TMEM181: variants seen among roughly 807,000 people sequenced by gnomAD.
TMEM181 encodes the protein G protein-coupled receptor 178.
In TMEM181, 39 loss-of-function variants were observed where a neutral mutation model predicts 71.9. The ratio of observed to expected loss-of-function variants is 0.54; its 90% confidence interval spans 0.42 to 0.71. TMEM181 has a LOEUF of 0.71. Ranked by LOEUF, TMEM181 falls within the 30% of genes least tolerant of loss-of-function variation. The pLI is 0.00. For missense variants in TMEM181, 595 were observed against 583.0 expected (o/e 1.02, Z -0.21); for synonymous variants, 245 against 228.8 (o/e 1.07, Z -0.64).
intron 1 of TMEM181, among the ~76,000 whole-genome samples, chr6:158,539,143 A>C (rs900803030): frequency 6.6e-6 from 1 of 152,204 alleles, no homozygotes; most frequent in African/African-American, 2.4e-5. Context: ...GCTTGAAGAC[A>C]GATTCACAGC....
chr6:158,603,505 A>G (rs1351417444), intron 6 of TMEM181, among the ~76,000 whole-genome samples: 2 of 150,486 alleles, frequency 1.3e-5, no homozygotes, highest in Admixed American at 6.6e-5. Context: ...CGTGGCCAGT[A>G]TTGGTCTGTG....
intron 10 of TMEM181, chr6:158,611,210 G>T: frequency 2.0e-6 from 1 of 510,266 alleles, no homozygotes; most frequent in Non-Finnish European, 4.0e-6. Flanking sequence ...TGACCTCTGG[G>T]ATTGACTATC....
chr6:158,631,095 C>T (rs1786637750), intron 15 of TMEM181, among the ~76,000 whole-genome samples: 1 of 152,254 alleles, frequency 6.6e-6, no homozygotes, highest in Admixed American at 6.5e-5. Context: ...TTCCCACAGG[C>T]CGCCTCCCTC....
Position 158,608,672 on chromosome 6 carries a change from GTTTAAC to G in TMEM181, c.822_827del (p.Leu274_Thr275del). 2 of 1,610,012 alleles carry G rather than the reference GTTTAAC, an allele frequency of 1.2e-6. No individual in the cohort carries two copies. The highest frequency in any genetic ancestry group is 1.7e-6 in the Non-Finnish European group (2 of 1,178,950). ...TTTTCTTTTTAGGGAGAAAGAAAGTGTTTAACTTTCTATTTGCCTAAATTCTTCATT... is the reference window on the plus strand; with the variant it reads ...TTTTCTTTTTAGGGAGAAAGAAAGTGTTTCTATTTGCCTAAATTCTTCATT... On this transcript the variant is annotated inframe_deletion, in exon 10 of 17. Transcript: ENST00000684151.
At chr6:158,568,161 G>A (rs1782617051) in intron 1 of TMEM181, among the ~76,000 whole-genome samples, 1 of 152,304 alleles carries the variant, frequency 6.6e-6, no homozygotes, top group Non-Finnish European at 1.5e-5. Context: ...AAGGGCATCT[G>A]AGATGGTGCC....
Position 158,583,939 on chromosome 6 carries a change from T to G in TMEM181, c.169-15T>G. ...TGAAAAGGTCACATGGATTACTTTG[T>G]TTTTTTTTCTTCAGCTAAAGCCAAT... is the stretch of plus-strand genomic sequence containing the variant. On this transcript the variant is annotated splice_polypyrimidine_tract_variant and intron_variant, in intron 3 of 16. Coordinates refer to ENST00000684151, the MANE Select transcript of TMEM181 (RefSeq NM_001376852.1). The G allele has an allele frequency of 3.8e-6, 6 of 1,573,578 alleles. No individual in the cohort carries two copies. The highest frequency in any genetic ancestry group is 5.2e-6 in the Non-Finnish European group (6 of 1,156,524).
chr6:158,627,611 C>G (rs78748668), intron 13 of TMEM181, among the ~76,000 whole-genome samples: 3 of 151,930 alleles, frequency 2.0e-5, no homozygotes, highest in Non-Finnish European at 4.4e-5. Flanking sequence ...CAGAACAGGG[C>G]ACCGGCAGCC....
intron 1 of TMEM181, among the ~76,000 whole-genome samples, chr6:158,571,165 T>C (rs551094376): frequency 3.3e-5 from 5 of 152,050 alleles, no homozygotes; most frequent in Admixed American, 6.6e-5. Flanking sequence ...GGTGCCATCT[T>C]GGCTCACTGC....
intron 6 of TMEM181, among the ~76,000 whole-genome samples, chr6:158,599,176 A>G (rs1784538669): frequency 6.6e-6 from 1 of 152,134 alleles, no homozygotes. Flanking sequence ...TACTGGTCAT[A>G]TTTTTGTTAA....
intron 10 of TMEM181, among the ~76,000 whole-genome samples, chr6:158,616,349 T>A (rs527534350): frequency 3.0e-4 from 45 of 152,340 alleles, no homozygotes; most frequent in African/African-American, 9.4e-4. Context: ...CCTGAGACTT[T>A]CCTAAAGTTG....
At chr6:158,619,867 CAAAAAAAAA>C (rs61626531) in intron 10 of TMEM181, among the ~76,000 whole-genome samples, 1 of 67,746 alleles carries the variant, frequency 1.5e-5, no homozygotes, top group Non-Finnish European at 2.9e-5. Flanking sequence ...GACTCCGTCT[CAAAAAAAAA>C]AAAAAAAAAA....
intron 1 of TMEM181, among the ~76,000 whole-genome samples, chr6:158,562,521 CTT>C (rs1184698420): frequency 6.6e-6 from 1 of 150,516 alleles, no homozygotes; most frequent in Non-Finnish European, 1.5e-5. Context: ...TTTTATGTGT[CTT>C]TTTCATCCTG....
intron 10 of TMEM181, chr6:158,621,422 G>A (rs1362599284): frequency 4.5e-6 from 1 of 220,298 alleles, no homozygotes; most frequent in African/African-American, 2.3e-5. Context: ...GGCAGGATGA[G>A]CCCCAGGATA....
intron 3 of TMEM181, among the ~76,000 whole-genome samples, chr6:158,581,749 G>A (rs1226161067): frequency 5.8e-4 from 19 of 32,964 alleles, no homozygotes; most frequent in Admixed American, 2.2e-3. Context: ...GTGAGACTCT[G>A]TCTCAAAAAA....
intron 1 of TMEM181, among the ~76,000 whole-genome samples, chr6:158,552,112 G>A (rs533945126): frequency 7.9e-5 from 12 of 152,244 alleles, no homozygotes; most frequent in South Asian, 2.1e-4. Flanking sequence ...AAAGGCATGC[G>A]AAATTTAAAA....
intron 15 of TMEM181, among the ~76,000 whole-genome samples, chr6:158,630,773 C>T (rs1583064354): frequency 1.3e-5 from 2 of 151,940 alleles, no homozygotes. Context: ...CAAAACAACC[C>T]TCTTGCACAG....
intron 1 of TMEM181, among the ~76,000 whole-genome samples, chr6:158,549,734 A>G (rs1781657904): frequency 6.6e-6 from 1 of 152,240 alleles, no homozygotes; most frequent in South Asian, 2.1e-4. Context: ...ATTTTTGGCT[A>G]CAAGGATCAA....
At chr6:158,631,737 G>C in intron 16 of TMEM181, 73 bp from the exon 17 acceptor site, 3 of 1,438,468 alleles carry the variant, frequency 2.1e-6, no homozygotes, top group Non-Finnish European at 2.9e-6. Flanking sequence ...TGCTGGAATG[G>C]TGTGTCAGTG....
chr6:158,538,927 T>C (rs1407650977), intron 1 of TMEM181, among the ~76,000 whole-genome samples: 1 of 152,202 alleles, frequency 6.6e-6, no homozygotes, highest in African/African-American at 2.4e-5. Context: ...CCAGCGAGCC[T>C]GGAGCACTGT....
Sources: gnomAD v4.1 joint callset for allele counts (sites outside exome capture counted in the v4.1 genomes callset) on GRCh38, gnomAD v4.1.1 for gene constraint, MANE v1.5 for transcripts, NCBI Gene and HGNC (gene_info 2026-07-23, HGNC 2026-07-21) for gene names.